PPFIA2: variants seen among roughly 807,000 people sequenced by gnomAD.
PPFIA2 encodes the protein liprin-alpha-2.
Under a neutral mutation model 175.5 loss-of-function variants are expected in PPFIA2, and 46 were observed. The observed-to-expected ratio is 0.26, with a 90% CI of 0.21 to 0.34. PPFIA2 has a LOEUF of 0.34. PPFIA2 is among the 10% of genes least tolerant of loss of function. The pLI, the probability that PPFIA2 is intolerant of heterozygous loss-of-function variation, is 1.00. For synonymous variants in PPFIA2, 568 were observed against 511.4 expected (o/e 1.11, Z -1.49); for missense variants, 1,179 against 1,506.1 (o/e 0.78, Z 3.60).
rs537081316 is a variant in PPFIA2, at chr12:81,568,941, T to C, written c.303+107850A>G. The stretch of plus-strand genomic sequence containing the variant: ...AAAGATAAATATTCATATTTATATA[T>C]TTAAAGAATTAAAACATGTATGTGG... On this transcript the variant is annotated intron_variant, in intron 4 of 32. Coordinates refer to ENST00000549396, the MANE Select transcript of PPFIA2 (RefSeq NM_003625.5). Among the ~76,000 whole-genome samples, 55 of 152,274 alleles carry C rather than the reference T, an allele frequency of 3.6e-4. 1 individual carries two copies. The South Asian group carries it at 6.8e-3, about 19-fold the overall frequency.
chr12:81,581,659 C>T (rs886179085), intron 4 of PPFIA2, among the ~76,000 whole-genome samples: 10 of 151,214 alleles, frequency 6.6e-5, no homozygotes, highest in African/African-American at 2.4e-4. Context: ...ACTTCCTTGC[C>T]GTAATTTATC....
intron 4 of PPFIA2, among the ~76,000 whole-genome samples, chr12:81,516,077 T>G (rs2062396698): frequency 6.6e-6 from 1 of 152,098 alleles, no homozygotes; most frequent in African/African-American, 2.4e-5. Context: ...TTATAATTCT[T>G]ATATAGCTTT....
chr12:81,276,191 T>G (rs1172628172), intron 28 of PPFIA2, among the ~76,000 whole-genome samples: 1 of 152,192 alleles, frequency 6.6e-6, no homozygotes, highest in Non-Finnish European at 1.5e-5. Flanking sequence ...ACCTCATGCT[T>G]TCACTTACAA....
At chr12:81,560,692 C>T (rs898836438) in intron 4 of PPFIA2, among the ~76,000 whole-genome samples, 9 of 151,896 alleles carry the variant, frequency 5.9e-5, no homozygotes, top group South Asian at 2.1e-4. Flanking sequence ...ATCATGTAAC[C>T]CTAGATTTAT....
chr12:81,258,492 T>C lies in PPFIA2; in HGVS notation c.*1202A>G, dbSNP rs2034429294. ...ATGGTATTATTAAATAGGCTTTACT[T>C]TGAATCTCCCATATAAACAAAGAAT... On this transcript the variant is annotated 3_prime_UTR_variant, in exon 33 of 33. Coordinates refer to ENST00000549396, the MANE Select transcript of PPFIA2 (RefSeq NM_003625.5). 1 of 152,130 alleles carries C rather than the reference T, an allele frequency of 6.6e-6. No homozygotes were observed. The highest frequency in any genetic ancestry group is 1.5e-5 in the Non-Finnish European group (1 of 68,016). 9.4% of individuals were successfully genotyped at this position (152,130 alleles called of 1,614,324 possible). A position where few individuals can be genotyped will look rare whatever the true frequency, so the allele number is the denominator to read the frequency against.
intron 4 of PPFIA2, among the ~76,000 whole-genome samples, chr12:81,663,376 A>G (rs1337011866): frequency 5.3e-5 from 8 of 152,082 alleles, no homozygotes; most frequent in South Asian, 2.1e-4. Flanking sequence ...AAAATCACAA[A>G]CATTCTTATA....
chr12:81,368,584 C>T (rs2034221649), intron 13 of PPFIA2, 141 bp downstream of exon 13: 1 of 856,662 alleles, frequency 1.2e-6, no homozygotes, highest in African/African-American at 1.7e-5. Flanking sequence ...AAAAAATATG[C>T]ATTCCTTTCT....
intron 4 of PPFIA2, among the ~76,000 whole-genome samples, chr12:81,640,444 T>A (rs577208514): frequency 1.3e-5 from 2 of 152,278 alleles, no homozygotes; most frequent in South Asian, 4.1e-4. Flanking sequence ...TAATCATAAT[T>A]TAATTTTCAA....
chr12:81,711,341 C>A (rs901764585), intron 3 of PPFIA2, among the ~76,000 whole-genome samples: 1 of 151,404 alleles, frequency 6.6e-6, no homozygotes, highest in African/African-American at 2.4e-5. Flanking sequence ...ATTATAAACA[C>A]ACACATACAC....
At chr12:81,262,365 C>T (rs1485805046) in intron 31 of PPFIA2, among the ~76,000 whole-genome samples, 2 of 151,954 alleles carry the variant, frequency 1.3e-5, no homozygotes, top group African/African-American at 4.8e-5. Context: ...TTTTCCTTTC[C>T]AAGTATTGAA....
intron 8 of PPFIA2, among the ~76,000 whole-genome samples, chr12:81,391,438 C>G (rs1453752979): frequency 6.6e-6 from 1 of 151,828 alleles, no homozygotes; most frequent in Non-Finnish European, 1.5e-5. Flanking sequence ...CTTTGTTTTT[C>G]CATACTGAAT....
intron 3 of PPFIA2, among the ~76,000 whole-genome samples, chr12:81,705,146 T>C (rs1482961184): frequency 6.9e-6 from 1 of 144,036 alleles, no homozygotes; most frequent in East Asian, 2.0e-4. Flanking sequence ...ACCTGGTGTA[T>C]TGTTACAAAA....
chr12:81,543,838 C>T (rs940858402), intron 4 of PPFIA2, among the ~76,000 whole-genome samples: 1 of 152,088 alleles, frequency 6.6e-6, no homozygotes, highest in South Asian at 2.1e-4. Flanking sequence ...TGGTCTTCTT[C>T]CCCAAACCCA....
At chr12:81,433,941 A>C (rs939857112) in intron 7 of PPFIA2, among the ~76,000 whole-genome samples, 11 of 152,188 alleles carry the variant, frequency 7.2e-5, no homozygotes, top group African/African-American at 2.7e-4. Flanking sequence ...AAGAATTATA[A>C]AATAGTTCAT....
intron 11 of PPFIA2, among the ~76,000 whole-genome samples, chr12:81,370,597 T>G (rs2034827136): frequency 6.6e-6 from 1 of 151,886 alleles, no homozygotes; most frequent in African/African-American, 2.4e-5. Flanking sequence ...TTTGTTGCTG[T>G]GGAAACAAAA....
Position 81,413,978 on chromosome 12 carries a change from A to G in PPFIA2, c.646-8075T>C, listed in dbSNP as rs557054556. Among the ~76,000 whole-genome samples, 4 of 151,908 alleles carry G rather than the reference A, an allele frequency of 2.6e-5. No homozygotes were observed. In the East Asian group the frequency reaches 7.7e-4, roughly 29 times the overall value. On this transcript the variant is annotated intron_variant, in intron 7 of 32. Transcript: ENST00000549396. ...TAGCTATGTCTTGAACATTTATTAC[A>G]TGCCCCATATGAAATAAAACAATTT...
At chr12:81,432,711 C>A (rs1347744321) in intron 7 of PPFIA2, among the ~76,000 whole-genome samples, 1 of 152,028 alleles carries the variant, frequency 6.6e-6, no homozygotes, top group Non-Finnish European at 1.5e-5. Flanking sequence ...CCCACCTCGG[C>A]CTCCCAAAGT....
intron 8 of PPFIA2, among the ~76,000 whole-genome samples, chr12:81,404,845 T>G (rs573462889): frequency 6.6e-6 from 1 of 152,326 alleles, no homozygotes; most frequent in South Asian, 2.1e-4. Context: ...CTAGTGCTAT[T>G]TATTGTATTG....
intron 22 of PPFIA2, chr12:81,311,912 G>A (rs1050536946): frequency 7.6e-6 from 4 of 527,256 alleles, no homozygotes; most frequent in African/African-American, 1.9e-5. Flanking sequence ...AATGTCTTTT[G>A]ACATGTGTAT....
Sources: allele counts gnomAD v4.1 joint callset (sites outside exome capture counted in the v4.1 genomes callset), GRCh38; gene constraint gnomAD v4.1.1; transcripts MANE v1.5; gene names NCBI Gene and HGNC (gene_info 2026-07-23, HGNC 2026-07-21).